The following MRPL27 variants were observed in gnomAD, a reference collection of about 807,000 sequenced individuals.
MRPL27 encodes the protein large ribosomal subunit protein bL27m.
MRPL27 carries 4 observed loss-of-function variants against 14.6 expected under a neutral mutation model. The observed-to-expected ratio is 0.27, with a 90% CI of 0.14 to 0.63. The LOEUF (loss-of-function observed/expected upper bound fraction) is 0.63. Ranked by LOEUF, MRPL27 falls within the 20% of genes least tolerant of loss-of-function variation. The probability of loss-of-function intolerance (pLI) is 0.85; values close to 1 mark genes in which losing one functional copy is unlikely to be tolerated. For synonymous variants in MRPL27, 82 were observed against 75.5 expected (o/e 1.09, Z -0.45); for missense variants, 196 against 192.8 (o/e 1.02, Z -0.10).
At chr17:50,369,719 G>A (rs1266739722) in intron 3 of MRPL27, 3 of 403,972 alleles carry the variant, frequency 7.4e-6, no homozygotes, top group Non-Finnish European at 4.4e-6. Flanking sequence ...TCCAAGAACT[G>A]AGGGTTAGAA....
chr17:50,368,490 G>T (rs1293207354), intron 3 of MRPL27, 192 bp from the exon 4 acceptor site: 1 of 629,360 alleles, frequency 1.6e-6, no homozygotes, highest in African/African-American at 1.8e-5. Flanking sequence ...CATAACAAAT[G>T]AGGGAAAAGA....
At position 50,368,032 on chromosome 17, in the gene MRPL27, T is replaced by A. The variant is rs1254525735; in HGVS notation, c.*60A>T. 44 of 1,588,222 alleles carry A rather than the reference T, an allele frequency of 2.8e-5. No homozygotes were observed. The East Asian group carries it at 9.6e-4, about 35-fold the overall frequency. On this transcript the variant is annotated 3_prime_UTR_variant, in exon 4 of 4. Coordinates refer to ENST00000225969, the MANE Select transcript of MRPL27 (RefSeq NM_016504.3). ...TGTCGCCACCCCAACCCTTGACTTC[T>A]GGTATCACCATCTCCTGTCACCTGG...
Position 50,367,953 on chromosome 17 carries a change from C to A in MRPL27, c.*139G>T. The A allele has an allele frequency of 2.1e-6, 2 of 933,816 alleles. No homozygotes were observed. Among genetic ancestry groups the A allele is most frequent in the Non-Finnish European group, 3.2e-6 (2 of 623,188 alleles). The allele number at this position is 933,816 out of a possible 1,614,324, so 57.8% of individuals were successfully genotyped here. ...CTCCCAAAGGGTTTCCCAGCAGTCA[C>A]TTCAGAGTCTCCTGCAGAGTCACCA... On this transcript the variant is annotated 3_prime_UTR_variant, in exon 4 of 4. Coordinates refer to ENST00000225969, the MANE Select transcript of MRPL27 (RefSeq NM_016504.3).
At chr17:50,372,234 C>T (rs1052861993) in intron 1 of MRPL27, among the ~76,000 whole-genome samples, 5 of 148,504 alleles carry the variant, frequency 3.4e-5, no homozygotes, top group African/African-American at 1.3e-4. Flanking sequence ...AGGTCTAGGT[C>T]TCCTGTCATT....
chr17:50,371,846 T>C (rs369409092), intron 1 of MRPL27, among the ~76,000 whole-genome samples: 35 of 152,308 alleles, frequency 2.3e-4, no homozygotes, highest in African/African-American at 8.4e-4. Flanking sequence ...TTACTTACAT[T>C]ATCTCACTCA....
chr17:50,369,091 T>C, intron 3 of MRPL27: 1 of 525,962 alleles, frequency 1.9e-6, no homozygotes, highest in South Asian at 2.7e-5. Context: ...TGTGTGGTCT[T>C]AGGCAAGTTA....
Position 50,373,183 on chromosome 17 carries a change from T to A in MRPL27, c.-13A>T, listed in dbSNP as rs192961184. The A allele has an allele frequency of 6.2e-7, 1 of 1,607,150 alleles. No individual in the cohort carries two copies. The highest frequency in any genetic ancestry group is 1.7e-5 in the Admixed American group (1 of 59,786). ...CCACCGACGCCATGCTTTCGATCAC[T>A]CACTTCCGGTCTCGAAAAGTTTCTA... is the stretch of plus-strand genomic sequence containing the variant. On this transcript the variant is annotated 5_prime_UTR_variant, in exon 1 of 4. Transcript: ENST00000225969.
rs1001985952 is a variant in MRPL27 at position 50,368,026 on chromosome 17, G to A, written c.*66C>T. ...AGGCCGTGTCGCCACCCCAACCCTT[G>A]ACTTCTGGTATCACCATCTCCTGTC... On this transcript the variant is annotated 3_prime_UTR_variant, in exon 4 of 4. Transcript: ENST00000225969. 2 of 1,575,372 alleles carry A rather than the reference G, an allele frequency of 1.3e-6. No individual in the cohort carries two copies. Among genetic ancestry groups the A allele is most frequent in the African/African-American group, 2.7e-5 (2 of 74,092 alleles).
intron 1 of MRPL27, among the ~76,000 whole-genome samples, chr17:50,371,454 A>T (rs1913135391): frequency 6.6e-6 from 1 of 152,144 alleles, no homozygotes; most frequent in Non-Finnish European, 1.5e-5. Flanking sequence ...ACCTCTCCAT[A>T]CTCATTCCAA....
intron 1 of MRPL27, chr17:50,372,812 T>G (rs888259640): frequency 2.4e-6 from 1 of 410,514 alleles, no homozygotes. Context: ...ATCAATAGAT[T>G]AATTTTTTCA....
chr17:50,369,113 C>G, intron 3 of MRPL27: 1 of 486,516 alleles, frequency 2.1e-6, no homozygotes, highest in East Asian at 3.3e-5. Flanking sequence ...TTCACTGTGC[C>G]TCTATTTTTT....
At chr17:50,370,176 C>G in intron 2 of MRPL27, 77 bp from the exon 3 acceptor site, 3 of 1,444,306 alleles carry the variant, frequency 2.1e-6, no homozygotes, top group South Asian at 2.6e-5. Context: ...TGCTGCACAC[C>G]AACCTCCAAG....
At chr17:50,372,223 C>CA (rs1449702593) in intron 1 of MRPL27, among the ~76,000 whole-genome samples, 3 of 150,974 alleles carry the variant, frequency 2.0e-5, no homozygotes, top group Non-Finnish European at 4.4e-5. Context: ...TCACTCTACA[C>CA]AGGTCTAGGT....
intron 3 of MRPL27, chr17:50,368,875 G>A (rs1362209883): frequency 2.8e-6 from 2 of 702,286 alleles, no homozygotes; most frequent in Middle Eastern, 2.3e-4. Flanking sequence ...CCACTTTTCA[G>A]ATGTGAAATA....
intron 3 of MRPL27, chr17:50,368,931 T>G (rs1167733955): frequency 1.5e-6 from 1 of 688,746 alleles, no homozygotes; most frequent in East Asian, 2.7e-5. Context: ...TTTTTAACCA[T>G]ATTTTTTAGC....
chr17:50,369,835 C>G lies in MRPL27; in HGVS notation c.240+197G>C, dbSNP rs1273111601. Reference sequence around the variant, plus strand: ...CCCAGCAGTCACTTGCTCCTTCCACCCCGTCTAGGTCTCTGGCATTTCACC... The same window carrying G: ...CCCAGCAGTCACTTGCTCCTTCCACGCCGTCTAGGTCTCTGGCATTTCACC... On this transcript the variant is annotated intron_variant, in intron 3 of 3. Coordinates refer to ENST00000225969, the MANE Select transcript of MRPL27 (RefSeq NM_016504.3). 1.2e-5 allele frequency: 8 copies of G among 676,520 alleles called. No individual in the cohort carries two copies. The East Asian group carries it at 1.5e-4, about 13-fold the overall frequency. The allele number at this position is 676,520 out of a possible 1,614,324, so 41.9% of individuals were successfully genotyped here. A position where few individuals can be genotyped will look rare whatever the true frequency, so the allele number is the denominator to read the frequency against.
chr17:50,370,722 T>C, intron 1 of MRPL27, 136 bp from the exon 2 acceptor site: 1 of 1,240,042 alleles, frequency 8.1e-7, no homozygotes, highest in Non-Finnish European at 1.1e-6. Flanking sequence ...CCACTGAGTG[T>C]ATTAGTTCTC....
chr17:50,373,149 G>T lies in MRPL27; in HGVS notation c.22C>A (p.Leu8Met). 1 of 1,613,808 alleles carries T rather than the reference G, an allele frequency of 6.2e-7. No homozygotes were observed. ...CCATTACCGGCTGTCCGGGTCCTCA[G>T]CGCCAACACCACCGACGCCATGCTT... Reference protein sequence around the residue: MASVVLALRTRTAVTSLL... With the variant: MASVVLAMRTRTAVTSLL... Residue 8 changes from leucine (L) to methionine (M), a missense_variant, in exon 1 of 4, where the codon CTG (leucine) becomes ATG (methionine). Coordinates refer to ENST00000225969, the MANE Select transcript of MRPL27 (RefSeq NM_016504.3).
rs200916450 is a variant in MRPL27, at chr17:50,368,236, C to T, written c.303G>A (p.Lys101=). Residue 101 remains lysine, a synonymous_variant, in exon 4 of 4, where the codon AAG becomes AAA. Coordinates refer to ENST00000225969, the MANE Select transcript of MRPL27 (RefSeq NM_016504.3). The part of the protein sequence containing the change: ...ALEEGIVRYT[K]EVYVPHPRNT... ...TTCTGGGATGAGGCACGTAGACCTC[C>T]TTAGTGTAGCGGACTATCCCCTCTT... 71 of 1,614,192 alleles carry T rather than the reference C, an allele frequency of 4.4e-5. 1 individual carries two copies. The Middle Eastern group carries it at 1.2e-3, about 26-fold the overall frequency.
Sources: gnomAD v4.1 joint callset for allele counts (sites outside exome capture counted in the v4.1 genomes callset) on GRCh38, gnomAD v4.1.1 for gene constraint, MANE v1.5 for transcripts, NCBI Gene and HGNC (gene_info 2026-07-23, HGNC 2026-07-21) for gene names.